PTCH1: variants seen among roughly 807,000 people sequenced by gnomAD.
PTCH1 encodes protein patched homolog 1.
PTCH1 carries 14 observed loss-of-function variants against 144.6 expected under a neutral mutation model. The ratio of observed to expected loss-of-function variants is 0.10; its 90% CI spans 0.06 to 0.15. The LOEUF (loss-of-function observed/expected upper bound fraction) is 0.15. Ranked by LOEUF, PTCH1 falls within the 10% of genes least tolerant of loss-of-function variation. PTCH1 has a pLI of 1.00. For missense variants in PTCH1, 1,623 were observed against 1,948.3 expected (o/e 0.83, Z 3.14); for synonymous variants, 833 against 793.6 (o/e 1.05, Z -0.83).
At chr9:95,506,324 C>G (rs1265388570) in intron 2 of PTCH1, 83 bp downstream of exon 2, 1 of 1,476,250 alleles carries the variant, frequency 6.8e-7, no homozygotes, top group African/African-American at 1.4e-5. Flanking sequence ...CAGCCAGGCT[C>G]TAGGTGTGCG....
At chr9:95,455,417 C>T (rs763209048) in intron 19 of PTCH1, among the ~76,000 whole-genome samples, 2 of 152,216 alleles carry the variant, frequency 1.3e-5, no homozygotes, top group Non-Finnish European at 2.9e-5. Context: ...TAGGGTATTT[C>T]GCACGTCGAT....
At chr9:95,479,392 T>G (rs773863544) in intron 7 of PTCH1, among the ~76,000 whole-genome samples, 13 of 152,196 alleles carry the variant, frequency 8.5e-5, no homozygotes, top group Non-Finnish European at 1.5e-4. Context: ...ATAGGCAATT[T>G]CCTTTCACAG....
At chr9:95,507,064 C>T in intron 1 of PTCH1, 1 of 986,978 alleles carries the variant, frequency 1.0e-6, no homozygotes, top group Non-Finnish European at 1.2e-6. Flanking sequence ...CTCTTTGGAA[C>T]AACATATTGC....
At position 95,508,802 on chromosome 9, in the gene PTCH1, C is replaced by T. The variant is rs1843968288; in HGVS notation, c.-441G>A. 2.0e-6 allele frequency: 2 copies of T among 984,776 alleles called. No individual in the cohort carries two copies. The highest frequency in any genetic ancestry group is 2.4e-6 in the Non-Finnish European group (2 of 829,726). The allele number at this position is 984,776 out of a possible 1,614,324, so 61.0% of individuals were successfully genotyped here. On this transcript the variant is annotated 5_prime_UTR_variant, in exon 1 of 24. Transcript: ENST00000331920. ...ACTGCAGAAAGAGCCAGCGAATCCCCGCTGCTCCCGCCGGCCGCGCTGGCT... is the reference window on the plus strand; with the variant it reads ...ACTGCAGAAAGAGCCAGCGAATCCCTGCTGCTCCCGCCGGCCGCGCTGGCT...
At position 95,495,502 on chromosome 9, in the gene PTCH1, G is replaced by A. The variant is rs553384509; in HGVS notation, c.395-9628C>T. ...GTAGGGGGAGTAAGTATAGGTAGGC[G>A]AGTAAGTATAGCTACCCAGAGGAAG... is the stretch of plus-strand genomic sequence containing the variant. On this transcript the variant is annotated intron_variant, in intron 2 of 23. Transcript: ENST00000331920. The A allele has an allele frequency of 2.0e-5, 3 of 151,870 alleles. No homozygotes were observed. In the South Asian group the frequency reaches 6.3e-4, roughly 32 times the overall value. The allele number at this position is 151,870 out of a possible 1,614,324, so 9.4% of individuals were successfully genotyped here.
At position 95,469,162 on chromosome 9, in the gene PTCH1, A is replaced by T; in HGVS notation, c.1848-9T>A. 6.2e-7 allele frequency: 1 copy of T among 1,613,938 alleles called. No homozygotes were observed. On this transcript the variant is annotated splice_polypyrimidine_tract_variant and intron_variant, in intron 13 of 23. Transcript: ENST00000331920. ...CTCTGCTGACGCAGGGGCTGAAAGG[A>T]GGGGAAACATGTTGCAATGTTATGC... is the stretch of plus-strand genomic sequence containing the variant.
chr9:95,511,744 G>GTAAA (rs546082376), upstream of PTCH1, among the ~76,000 whole-genome samples: 47 of 152,326 alleles, frequency 3.1e-4, no homozygotes, highest in East Asian at 5.2e-3. Context: ...CAGGAAAAGA[G>GTAAA]GTTTACTATT....
intron 15 of PTCH1, 101 bp from the exon 16 acceptor site, chr9:95,462,099 T>TA: frequency 1.5e-6 from 2 of 1,361,314 alleles, no homozygotes; most frequent in South Asian, 2.3e-5. Flanking sequence ...AGGGGGCTCT[T>TA]AGACGTCCAT....
chr9:95,506,354 A>T (rs1168233582), intron 2 of PTCH1, 53 bp downstream of exon 2: 1 of 1,578,642 alleles, frequency 6.3e-7, no homozygotes, highest in Non-Finnish European at 8.6e-7. Flanking sequence ...ATCTCTATCA[A>T]CCGCGAGGAG....
intron 19 of PTCH1, 144 bp from the exon 20 acceptor site, chr9:95,453,764 T>C: frequency 9.4e-7 from 1 of 1,063,880 alleles, no homozygotes; most frequent in Non-Finnish European, 1.4e-6. Context: ...GTAGCTCAAC[T>C]AGCAGCACCT....
rs945517672 is a variant in PTCH1, at chr9:95,449,251, C to T, written c.3622G>A (p.Ala1208Thr). 8.3e-6 allele frequency: 13 copies of T among 1,573,418 alleles called. No homozygotes were observed. Among genetic ancestry groups the T allele is most frequent in the South Asian group, 2.3e-5 (2 of 86,246 alleles). Reference sequence around the variant, plus strand: ...CTGTGCGTGTGGCCGGGCGGCATGGCGAAGCGGACCACGCTGGGGGGTGGC... The same window carrying T: ...CTGTGCGTGTGGCCGGGCGGCATGGTGAAGCGGACCACGCTGGGGGGTGGC... The part of the protein sequence containing the change: ...PEPPPSVVRF[A>T]MPPGHTHSGS... Residue 1208 changes from alanine (A) to threonine (T), a missense_variant, in exon 22 of 24, where the codon GCC (alanine) becomes ACC (threonine). Transcript: ENST00000331920. The surrounding 1 kb of genome is among the most constrained non-coding windows in gnomAD (Gnocchi z 5.3).
chr9:95,500,379 A>G (rs1843069919), intron 2 of PTCH1, among the ~76,000 whole-genome samples: 1 of 152,236 alleles, frequency 6.6e-6, no homozygotes, highest in Admixed American at 6.5e-5. Flanking sequence ...GTTTTTCTCC[A>G]AATATGAAAG....
At chr9:95,516,517 G>T in exon 1 of PTCH1, 1 of 1,540,290 alleles carries the variant, frequency 6.5e-7, no homozygotes. Context: ...CGATGGCGCG[G>T]ACGCTGGGCT....
At position 95,449,988 on chromosome 9, in the gene PTCH1, C is replaced by A; in HGVS notation, c.3450-48G>T. The A allele has an allele frequency of 6.5e-7, 1 of 1,538,176 alleles. No individual in the cohort carries two copies. The highest frequency in any genetic ancestry group is 9.0e-7 in the Non-Finnish European group (1 of 1,113,652). On this transcript the variant is annotated intron_variant, in intron 20 of 23. Transcript: ENST00000331920. This position sits in a 1 kb window ranked among gnomAD's most constrained non-coding sequence, Gnocchi z 5.3. ...GAACACGCGCTGTGACAGGGTGGATCGCGCCACCCTCCGTGTGCCCGACAC... is the reference window on the plus strand; with the variant it reads ...GAACACGCGCTGTGACAGGGTGGATAGCGCCACCCTCCGTGTGCCCGACAC...
Position 95,453,573 on chromosome 9 carries a change from G to T in PTCH1, c.3354C>A (p.Ala1118=). 6.2e-7 allele frequency: 1 copy of T among 1,614,042 alleles called. No individual in the cohort carries two copies. Among genetic ancestry groups the T allele is most frequent in the Non-Finnish European group, 8.5e-7 (1 of 1,180,038 alleles). ...GGACGGGTGCAAACATGTGCTCCAG[G>T]GCAAGCACAGCCCTGCGGTTCTTGT... The part of the protein sequence containing the change: ...IGDKNRRAVL[A]LEHMFAPVLD... The change falls in exon 20 of 24, where the codon GCC becomes GCA. Residue 1118 remains alanine, a synonymous_variant. Transcript: ENST00000331920.
intron 2 of PTCH1, among the ~76,000 whole-genome samples, chr9:95,495,738 G>T (rs573342714): frequency 6.6e-6 from 1 of 152,194 alleles, no homozygotes; most frequent in East Asian, 1.9e-4. Flanking sequence ...CAGGAGAGTG[G>T]TGGAGGGAAT....
chr9:95,474,534 T>C (rs1327235132), intron 12 of PTCH1, among the ~76,000 whole-genome samples: 1 of 152,198 alleles, frequency 6.6e-6, no homozygotes, highest in East Asian at 1.9e-4. Context: ...AAATTTATAA[T>C]ATAAATAAAC....
Position 95,508,864 on chromosome 9 carries a change from AG to A in PTCH1, c.-504del, listed in dbSNP as rs1843973401. 2.0e-6 allele frequency: 2 copies of A among 977,846 alleles called. No homozygotes were observed. Among genetic ancestry groups the A allele is most frequent in the Non-Finnish European group, 2.4e-6 (2 of 825,136 alleles). The allele number at this position is 977,846 out of a possible 1,614,324, so 60.6% of individuals were successfully genotyped here. A position where few individuals can be genotyped will look rare whatever the true frequency, so the allele number is the denominator to read the frequency against. On this transcript the variant is annotated 5_prime_UTR_variant, in exon 1 of 24. The change abolishes the stop of an existing upstream ORF in the 5' untranslated region. Coordinates refer to ENST00000331920, the MANE Select transcript of PTCH1 (RefSeq NM_000264.5). ...TCCCGGGTCGCCCGAGCGGCCGCGG[AG>A]GGCAAGCGCAGAGCCGCCGCCGCCG...
chr9:95,506,647 CGCGCGCCCACGCCCGCTT>C, intron 1 of PTCH1, 48 bp from the exon 2 acceptor site: 4 of 1,392,156 alleles, frequency 2.9e-6, no homozygotes, highest in Non-Finnish European at 3.9e-6. Flanking sequence ...AGTCGCGGCC[CGCGCGCCCACGCCCGCTT>C]GCGCGCACCC....
Sources: allele counts gnomAD v4.1 joint callset (sites outside exome capture counted in the v4.1 genomes callset), GRCh38; gene constraint gnomAD v4.1.1; non-coding constraint Gnocchi (gnomAD v3.1); transcripts MANE v1.5; gene names NCBI Gene and HGNC (gene_info 2026-07-23, HGNC 2026-07-21).